The following TOX2 variants were observed in gnomAD, a reference collection of about 807,000 sequenced individuals.
The protein encoded by TOX2 is granulosa cell HMG box 1.
TOX2 carries 15 observed loss-of-function variants against 47.4 expected under a neutral mutation model. The observed-to-expected ratio is 0.32, with a 90% confidence interval of 0.21 to 0.49. The LOEUF is 0.49. Ranked by LOEUF, TOX2 falls within the 20% of genes least tolerant of loss-of-function variation. TOX2 has a pLI of 0.99. For missense variants in TOX2, 622 were observed against 673.1 expected (o/e 0.92, Z 0.84); for synonymous variants, 290 against 296.6 (o/e 0.98, Z 0.23).
At chr20:44,009,258 G>A (rs58227014) in intron 3 of TOX2, among the ~76,000 whole-genome samples, 90,082 of 151,966 alleles carry the variant, frequency 0.59, 27,158 homozygotes, top group Non-Finnish European at 0.65. Context: ...TCAAAAAAGC[G>A]GTGTCCTCTG....
At chr20:43,948,742 G>A (rs1347756732) in intron 1 of TOX2, among the ~76,000 whole-genome samples, 2 of 152,238 alleles carry the variant, frequency 1.3e-5, no homozygotes, top group African/African-American at 4.8e-5. Context: ...GTTGCAAAGG[G>A]AGGCATGAAA....
At chr20:44,062,115 A>G (rs557537271) in intron 5 of TOX2, among the ~76,000 whole-genome samples, 22 of 151,982 alleles carry the variant, frequency 1.4e-4, no homozygotes, top group Non-Finnish European at 3.1e-4. Flanking sequence ...TCCTGGCCAG[A>G]GCAATCAGAC....
chr20:44,039,101 A>C, intron 3 of TOX2: 1 of 1,276,488 alleles, frequency 7.8e-7, no homozygotes, highest in African/African-American at 1.5e-5. Context: ...GCTGGGAGGC[A>C]GGTGTCTCTG....
Position 44,066,856 on chromosome 20 carries a change from A to AGGT in TOX2, c.1484_1484+2dup. ...TGGGGAGTGTGGCATCAGCACCTGC[A>AGGT]GGTTAGTCCTCGCCCGTCCCTGCCT... On this transcript the variant is annotated protein_altering_variant and splice_region_variant, in exon 8 of 9. Transcript: ENST00000341197. The AGGT allele has an allele frequency of 6.2e-7, 1 of 1,613,128 alleles. No homozygotes were observed. Among genetic ancestry groups the AGGT allele is most frequent in the Non-Finnish European group, 8.5e-7 (1 of 1,179,446 alleles).
chr20:43,992,057 C>T (rs1320655622), intron 2 of TOX2, among the ~76,000 whole-genome samples: 1 of 152,138 alleles, frequency 6.6e-6, no homozygotes, highest in African/African-American at 2.4e-5. Flanking sequence ...ACAGGGTGGC[C>T]AGGGAAGGCG....
rs548463669 is a variant in TOX2, at chr20:43,933,049, C to T, written c.99+18059C>T. On this transcript the variant is annotated intron_variant, in intron 1 of 8. Coordinates refer to ENST00000341197, the MANE Select transcript of TOX2 (RefSeq NM_001098797.2). The stretch of plus-strand genomic sequence containing the variant: ...CCAAAGAGAAACAGAATTCTAGTGA[C>T]CAAGTAAGTTCACTAGAGTTTAGAG... 1.8e-4 allele frequency among the ~76,000 whole-genome samples: 27 copies of T among 152,282 alleles called. No individual in the cohort carries two copies. The South Asian group carries it at 3.3e-3, about 19-fold the overall frequency.
intron 3 of TOX2, among the ~76,000 whole-genome samples, chr20:44,041,326 G>C (rs2071327939): frequency 1.3e-5 from 2 of 152,198 alleles, no homozygotes; most frequent in South Asian, 4.1e-4. Flanking sequence ...CAGGGGAATG[G>C]GTACAGAAGC....
At chr20:44,021,589 A>G (rs2070976294) in intron 3 of TOX2, among the ~76,000 whole-genome samples, 1 of 152,090 alleles carries the variant, frequency 6.6e-6, no homozygotes, top group Admixed American at 6.5e-5. Flanking sequence ...GAAGCAGATT[A>G]ACTCTAGCCA....
chr20:44,033,596 C>A (rs1476888177), intron 3 of TOX2, among the ~76,000 whole-genome samples: 2 of 151,792 alleles, frequency 1.3e-5, no homozygotes, highest in African/African-American at 2.4e-5. Flanking sequence ...CAGACAGAAC[C>A]ACTGCTGATG....
chr20:44,036,249 T>C (rs2071237392), intron 3 of TOX2, among the ~76,000 whole-genome samples: 1 of 152,212 alleles, frequency 6.6e-6, no homozygotes, highest in Admixed American at 6.5e-5. Context: ...AGAGCTCAGC[T>C]TGTGGCCAGC....
At chr20:43,925,418 G>C (rs1212362324) in intron 1 of TOX2, among the ~76,000 whole-genome samples, 4 of 152,176 alleles carry the variant, frequency 2.6e-5, no homozygotes, top group Non-Finnish European at 5.9e-5. Flanking sequence ...GTCCTTGGGG[G>C]CCTCTTTGTC....
chr20:44,055,221 G>A (rs1229722607), intron 5 of TOX2, among the ~76,000 whole-genome samples: 2 of 152,226 alleles, frequency 1.3e-5, no homozygotes, highest in East Asian at 3.8e-4. Context: ...AGAAGCAGGA[G>A]GCTCAACTGG....
intron 1 of TOX2, among the ~76,000 whole-genome samples, chr20:43,937,849 A>C (rs191091420): frequency 6.6e-6 from 1 of 152,298 alleles, no homozygotes; most frequent in Admixed American, 6.5e-5. Flanking sequence ...GTTTTGGAAA[A>C]GGCCTAGCAT....
At chr20:43,963,867 GA>G (rs2069804402) in intron 1 of TOX2, among the ~76,000 whole-genome samples, 1 of 152,138 alleles carries the variant, frequency 6.6e-6, no homozygotes, top group Non-Finnish European at 1.5e-5. Flanking sequence ...TAAGACCTCA[GA>G]GATTTGCACA....
intron 3 of TOX2, among the ~76,000 whole-genome samples, chr20:44,016,397 TACAG>T (rs1397400296): frequency 6.6e-6 from 1 of 152,142 alleles, no homozygotes; most frequent in East Asian, 1.9e-4. Flanking sequence ...GTGCCAGGAT[TACAG>T]ACGTGAGCCA....
intron 5 of TOX2, among the ~76,000 whole-genome samples, chr20:44,059,507 G>T (rs1417681535): frequency 6.6e-6 from 1 of 152,132 alleles, no homozygotes; most frequent in Non-Finnish European, 1.5e-5. Context: ...AATACAAGAA[G>T]TTCAAAGAAC....
intron 1 of TOX2, among the ~76,000 whole-genome samples, chr20:43,953,481 T>G (rs1158459742): frequency 1.3e-5 from 2 of 152,090 alleles, no homozygotes; most frequent in Admixed American, 1.3e-4. Flanking sequence ...TGCTCCAACA[T>G]GTATGCCCAC....
Position 43,916,331 on chromosome 20 carries a change from G to GGGGCCTCCCGGGCT in TOX2, c.99+1351_99+1364dup. On this transcript the variant is annotated intron_variant, in intron 1 of 8. Coordinates refer to ENST00000341197, the MANE Select transcript of TOX2 (RefSeq NM_001098797.2). The surrounding 1 kb of genome is among the most constrained non-coding windows in gnomAD (Gnocchi z 5.0). ...AGAGAGGCGTCCCGGCGCGGATCCC[G>GGGGCCTCCCGGGCT]GGGCCTCCCGGGCTGGGCCTCCCTG... 1 of 768,376 alleles carries GGGGCCTCCCGGGCT rather than the reference G, an allele frequency of 1.3e-6. No individual in the cohort carries two copies. Among genetic ancestry groups the GGGGCCTCCCGGGCT allele is most frequent in the Non-Finnish European group, 1.6e-6 (1 of 631,796 alleles). The allele number at this position is 768,376 out of a possible 1,614,324, so 47.6% of individuals were successfully genotyped here.
intron 3 of TOX2, among the ~76,000 whole-genome samples, chr20:44,035,812 T>A (rs551968598): frequency 3.9e-5 from 6 of 152,104 alleles, no homozygotes; most frequent in African/African-American, 1.4e-4. Context: ...GAGATGGAGA[T>A]TGTGCACAGC....
Sources: gnomAD v4.1 joint callset for allele counts (sites outside exome capture counted in the v4.1 genomes callset) on GRCh38, gnomAD v4.1.1 for gene constraint, Gnocchi (gnomAD v3.1) non-coding constraint, MANE v1.5 for transcripts, NCBI Gene and HGNC (gene_info 2026-07-23, HGNC 2026-07-21) for gene names.